FBXO11: variants seen among roughly 807,000 people sequenced by gnomAD.
The protein encoded by FBXO11 is F-box only protein 11.
In FBXO11, 13 loss-of-function variants were observed where a neutral mutation model predicts 117.0. The observed-to-expected ratio is 0.11, with a 90% confidence interval of 0.07 to 0.18. The LOEUF is 0.18. Ranked by LOEUF, FBXO11 falls within the 10% of genes least tolerant of loss-of-function variation. FBXO11 has a pLI of 1.00. For missense variants in FBXO11, 767 were observed against 1,164.4 expected, an observed-to-expected ratio of 0.66 and a Z score of 4.97; for synonymous variants, 490 against 380.5, an observed-to-expected ratio of 1.29 and a Z score of -3.35.
intron 1 of FBXO11, among the ~76,000 whole-genome samples, chr2:47,875,223 A>T (rs1675911865): frequency 6.6e-6 from 1 of 152,152 alleles, no homozygotes; most frequent in Non-Finnish European, 1.5e-5. Context: ...TAACCCCTTA[A>T]AAGTGTGATG....
intron 1 of FBXO11, chr2:47,888,653 C>T (rs1394184525): frequency 1.0e-6 from 1 of 981,954 alleles, no homozygotes; most frequent in African/African-American, 1.7e-5. Flanking sequence ...TTTGGAATAA[C>T]ACTTAAAATT....
intron 1 of FBXO11, among the ~76,000 whole-genome samples, chr2:47,851,989 A>AT (rs1191001581): frequency 0.028 from 3,761 of 132,814 alleles, 152 homozygotes; most frequent in African/African-American, 0.084. Context: ...CAAGCAACCA[A>AT]TTTTTTTTTT....
chr2:47,864,487 T>C (rs1160543722), intron 1 of FBXO11, among the ~76,000 whole-genome samples: 1 of 152,184 alleles, frequency 6.6e-6, no homozygotes, highest in Non-Finnish European at 1.5e-5. Context: ...CTCGGGAGGC[T>C]GAGGCAGGAG....
At chr2:47,905,465 G>A in intron 1 of FBXO11, 24 bp downstream of exon 1, 2 of 1,217,976 alleles carry the variant, frequency 1.6e-6, no homozygotes, top group Non-Finnish European at 2.0e-6. Context: ...GAAGGCGGGC[G>A]GTTGGGAGGT....
At chr2:47,881,413 C>A (rs1676423805) in intron 1 of FBXO11, among the ~76,000 whole-genome samples, 1 of 151,938 alleles carries the variant, frequency 6.6e-6, no homozygotes, top group African/African-American at 2.4e-5. Context: ...CTAATGGTTA[C>A]CTTTGTAATT....
intron 1 of FBXO11, among the ~76,000 whole-genome samples, chr2:47,871,301 A>G (rs866866199): frequency 5.3e-5 from 8 of 152,172 alleles, no homozygotes; most frequent in Admixed American, 5.2e-4. Flanking sequence ...TCTGCAAACA[A>G]TTAGCAAGAC....
At chr2:47,817,220 T>G (rs1671068396) in intron 16 of FBXO11, among the ~76,000 whole-genome samples, 1 of 152,230 alleles carries the variant, frequency 6.6e-6, no homozygotes, top group Non-Finnish European at 1.5e-5. Context: ...TCTGCTAGCT[T>G]CAAACTTTTC....
chr2:47,831,437 A>G (rs1343865896), intron 11 of FBXO11, among the ~76,000 whole-genome samples: 1 of 151,128 alleles, frequency 6.6e-6, no homozygotes, highest in Non-Finnish European at 1.5e-5. Context: ...GAAAAAAAAA[A>G]AAAAAAAAAA....
chr2:47,821,563 T>C (rs990108999), intron 13 of FBXO11, among the ~76,000 whole-genome samples: 1 of 151,346 alleles, frequency 6.6e-6, no homozygotes, highest in Non-Finnish European at 1.5e-5. Context: ...TGAGCCGAGA[T>C]TGCGCCACTG....
intron 1 of FBXO11, among the ~76,000 whole-genome samples, chr2:47,901,057 A>G (rs1192948434): frequency 8.0e-6 from 1 of 124,834 alleles, no homozygotes; most frequent in Non-Finnish European, 1.8e-5. Context: ...ATATACACAT[A>G]TATATGTATA....
intron 16 of FBXO11, 118 bp downstream of exon 16, chr2:47,818,661 G>T: frequency 1.5e-6 from 1 of 675,422 alleles, no homozygotes; most frequent in Non-Finnish European, 2.5e-6. Context: ...TTAAGAATGT[G>T]AATATATATA....
intron 1 of FBXO11, among the ~76,000 whole-genome samples, chr2:47,854,868 T>A (rs1572850827): frequency 6.6e-6 from 1 of 152,016 alleles, no homozygotes; most frequent in East Asian, 1.9e-4. Flanking sequence ...TTTTTGTTTT[T>A]TTTTTTAGTG....
intron 1 of FBXO11, among the ~76,000 whole-genome samples, chr2:47,894,932 G>C (rs748923659): frequency 2.0e-5 from 3 of 151,968 alleles, no homozygotes; most frequent in African/African-American, 7.3e-5. Context: ...CCTCAAGACT[G>C]AACTGTTAAA....
intron 21 of FBXO11, 38 bp downstream of exon 21, chr2:47,809,118 GTC>G: frequency 7.8e-7 from 1 of 1,278,862 alleles, no homozygotes; most frequent in Non-Finnish European, 1.1e-6. Flanking sequence ...AAGGAAATCA[GTC>G]TTCCTCTTTT....
In FBXO11 at chr2:47,895,327, A is replaced by G. The variant is rs556912781; in HGVS notation, c.232+10162T>C. ...TACTAAACAGCAACAAGAATGAACA[A>G]TGAAAAAACTAATGCTACAAGCAGC... On this transcript the variant is annotated intron_variant, in intron 1 of 22. Coordinates refer to ENST00000403359, the MANE Select transcript of FBXO11 (RefSeq NM_001190274.2). Among the ~76,000 whole-genome samples the G allele has an allele frequency of 2.6e-5, 4 of 152,344 alleles. No homozygotes were observed. In the South Asian group the frequency reaches 8.3e-4, roughly 32 times the overall value.
intron 1 of FBXO11, among the ~76,000 whole-genome samples, chr2:47,872,686 A>G (rs910246599): frequency 3.9e-5 from 6 of 152,162 alleles, no homozygotes; most frequent in African/African-American, 1.4e-4. Context: ...TTACAAGTAC[A>G]CAGTAGAGTT....
chr2:47,874,129 G>A (rs1022178525), intron 1 of FBXO11, among the ~76,000 whole-genome samples: 1 of 152,178 alleles, frequency 6.6e-6, no homozygotes, highest in African/African-American at 2.4e-5. Flanking sequence ...CAGGAGAATC[G>A]CTTGAACCTG....
At chr2:47,885,273 C>G (rs1674398729) in intron 1 of FBXO11, among the ~76,000 whole-genome samples, 1 of 152,150 alleles carries the variant, frequency 6.6e-6, no homozygotes, top group African/African-American at 2.4e-5. Flanking sequence ...AAGAAAACTG[C>G]AGTAGTACGG....
chr2:47,905,260 G>A (rs1678682454), intron 1 of FBXO11: 2 of 285,840 alleles, frequency 7.0e-6, no homozygotes, highest in Non-Finnish European at 1.2e-5. Flanking sequence ...ACCAAACAAA[G>A]CGCGGCCTGA....
Sources: gnomAD v4.1 joint callset for allele counts (sites outside exome capture counted in the v4.1 genomes callset) on GRCh38, gnomAD v4.1.1 for gene constraint, MANE v1.5 for transcripts, NCBI Gene and HGNC (gene_info 2026-07-23, HGNC 2026-07-21) for gene names.